Variants in ADGB observed in about 807,000 individuals in gnomAD.
The protein encoded by ADGB is calpain-7-like protein.
ADGB carries 172 observed loss-of-function variants against 210.5 expected under a neutral mutation model. The ratio of observed to expected loss-of-function variants is 0.82; its 90% CI spans 0.72 to 0.93. The LOEUF is 0.93. Among genes scored for constraint, ADGB ranks in the 40% least tolerant of loss-of-function variants. ADGB has a pLI of 0.00. For synonymous variants in ADGB, 658 were observed against 662.7 expected, an observed-to-expected ratio of 0.99 and a Z score of 0.11; for missense variants, 2,025 against 1,964.8, an observed-to-expected ratio of 1.03 and a Z score of -0.58.
At chr6:146,806,033 G>T (rs1319226760) in intron 35 of ADGB, among the ~76,000 whole-genome samples, 2 of 152,174 alleles carry the variant, frequency 1.3e-5, no homozygotes, top group African/African-American at 4.8e-5. Context: ...TTTGATTAAT[G>T]AATCAGTAAA....
intron 1 of ADGB, among the ~76,000 whole-genome samples, chr6:146,626,743 A>C (rs532219784): frequency 1.9e-4 from 28 of 150,772 alleles, no homozygotes; most frequent in African/African-American, 6.6e-4. Context: ...GTAACTTGGC[A>C]TGGTTTTTTT....
chr6:146,657,461 T>A (rs1167713706), intron 5 of ADGB, among the ~76,000 whole-genome samples: 4 of 152,184 alleles, frequency 2.6e-5, no homozygotes, highest in Non-Finnish European at 5.9e-5. Context: ...AGAGAAACTG[T>A]CCTGCATATG....
At chr6:146,656,129 G>A (rs948984144) in intron 4 of ADGB, among the ~76,000 whole-genome samples, 6 of 152,170 alleles carry the variant, frequency 3.9e-5, no homozygotes, top group African/African-American at 1.4e-4. Flanking sequence ...GCAGCAGAAG[G>A]CTGTGAAGAT....
chr6:146,718,627 G>A (rs73573701), intron 16 of ADGB, among the ~76,000 whole-genome samples: 11,201 of 152,228 alleles, frequency 0.074, 1,364 homozygotes, highest in African/African-American at 0.25. Context: ...CACATATTCC[G>A]GGAAACTAAA....
chr6:146,730,014 C>T (rs999502576), intron 20 of ADGB, among the ~76,000 whole-genome samples: 4 of 152,066 alleles, frequency 2.6e-5, no homozygotes, highest in Non-Finnish European at 5.9e-5. Flanking sequence ...GGTAGCATTG[C>T]CAGATTTAGC....
At chr6:146,741,516 G>A (rs1457134214) in intron 25 of ADGB, among the ~76,000 whole-genome samples, 1 of 152,090 alleles carries the variant, frequency 6.6e-6, no homozygotes, top group Admixed American at 6.6e-5. Flanking sequence ...CAAAAAGAAA[G>A]CATTAGAAAT....
chr6:146,781,717 A>G (rs759947365), intron 29 of ADGB, among the ~76,000 whole-genome samples: 3 of 152,208 alleles, frequency 2.0e-5, no homozygotes, highest in Non-Finnish European at 4.4e-5. Flanking sequence ...CAATTATGCA[A>G]TAAATGAAAC....
chr6:146,663,082 T>C (rs1775885902), intron 5 of ADGB, among the ~76,000 whole-genome samples: 1 of 143,514 alleles, frequency 7.0e-6, no homozygotes, highest in Non-Finnish European at 1.5e-5. Context: ...CATATATTTA[T>C]ATAATTATAT....
At chr6:146,748,155 A>G (rs1777268982) in intron 26 of ADGB, among the ~76,000 whole-genome samples, 1 of 152,086 alleles carries the variant, frequency 6.6e-6, no homozygotes, top group African/African-American at 2.4e-5. Flanking sequence ...ATCATAAAAG[A>G]CGTGGAATAT....
intron 1 of ADGB, among the ~76,000 whole-genome samples, chr6:146,613,907 T>C (rs970254589): frequency 5.3e-5 from 8 of 151,904 alleles, no homozygotes; most frequent in Non-Finnish European, 7.4e-5. Context: ...TTTAATAAAA[T>C]TATAGACTAA....
At chr6:146,658,919 A>G (rs1775819295) in intron 5 of ADGB, among the ~76,000 whole-genome samples, 1 of 152,176 alleles carries the variant, frequency 6.6e-6, no homozygotes, top group Admixed American at 6.5e-5. Flanking sequence ...CTGACATACC[A>G]GTTCCCTATG....
chr6:146,635,419 A>G lies in ADGB; in HGVS notation c.119A>G (p.Gln40Arg). The part of the protein sequence containing the change: ...GSNVQSGSTE[Q>R]KKGKFPLWPE... ...AATGTACAATCTGGTTCTACTGAAC[A>G]AAAGAAGGGGAAATTCCCACTCTGG... The change falls in exon 2 of 36, where the codon CAA becomes CGA. Residue 40 changes from glutamine to arginine, a missense_variant. Coordinates refer to ENST00000397944, the MANE Select transcript of ADGB (RefSeq NM_024694.4). The G allele has an allele frequency of 4.5e-6, 7 of 1,547,640 alleles. No homozygotes were observed. Among genetic ancestry groups the G allele is most frequent in the Non-Finnish European group, 4.4e-6 (5 of 1,144,820 alleles).
At chr6:146,758,638 C>T (rs1777443801) in intron 27 of ADGB, among the ~76,000 whole-genome samples, 1 of 151,992 alleles carries the variant, frequency 6.6e-6, no homozygotes, top group Non-Finnish European at 1.5e-5. Flanking sequence ...GAGCCAACAT[C>T]TATAATGGCT....
intron 11 of ADGB, among the ~76,000 whole-genome samples, chr6:146,692,184 G>C (rs9497607): frequency 6.6e-6 from 1 of 151,888 alleles, no homozygotes; most frequent in Non-Finnish European, 1.5e-5. Context: ...AGAAAATTTA[G>C]GTATTCCATG....
intron 35 of ADGB, among the ~76,000 whole-genome samples, chr6:146,813,484 TTATTGGTGTA>T (rs1182514690): frequency 6.6e-6 from 1 of 152,152 alleles, no homozygotes; most frequent in African/African-American, 2.4e-5. Context: ...GTATGTGTAT[TTATTGGTGTA>T]TGAAAATGTG....
chr6:146,685,742 G>A lies in ADGB; in HGVS notation c.1225G>A (p.Ala409Thr). 6.6e-7 allele frequency: 1 copy of A among 1,517,262 alleles called. No individual in the cohort carries two copies. Among genetic ancestry groups the A allele is most frequent in the Non-Finnish European group, 8.8e-7 (1 of 1,132,822 alleles). 94.0% of individuals were successfully genotyped at this position (1,517,262 alleles called of 1,614,324 possible). ...SVQSLSDCSSAIQTSHMVVYA... is the reference protein window; with the variant it reads ...SVQSLSDCSSTIQTSHMVVYA... Reference sequence around the variant, plus strand: ...GTATGTTTGTTTTACAGGTTCTTCTGCAATACAGACCTCTCATATGGTCGT... The same window carrying A: ...GTATGTTTGTTTTACAGGTTCTTCTACAATACAGACCTCTCATATGGTCGT... The change falls in exon 10 of 36, where the codon GCA (alanine) becomes ACA (threonine). Residue 409 changes from alanine to threonine, a missense_variant. By Grantham distance (58) the Ala-to-Thr change is moderately conservative. Coordinates refer to ENST00000397944, the MANE Select transcript of ADGB (RefSeq NM_024694.4).
chr6:146,803,150 C>A, intron 35 of ADGB: 1 of 1,487,698 alleles, frequency 6.7e-7, no homozygotes, highest in Non-Finnish European at 9.4e-7. Context: ...GATCTTCTAT[C>A]CTCAACAAAT....
chr6:146,691,411 A>AATATAT (rs71031004), intron 11 of ADGB, 121 bp downstream of exon 11: 1 of 98,244 alleles, frequency 1.0e-5, no homozygotes, highest in Non-Finnish European at 1.6e-5. Context: ...GCCTATGTTT[A>AATATAT]ATATATATAT....
At chr6:146,609,967 T>C (rs1252740591) in intron 1 of ADGB, among the ~76,000 whole-genome samples, 3 of 152,106 alleles carry the variant, frequency 2.0e-5, no homozygotes, top group Non-Finnish European at 4.4e-5. Context: ...CCTTGGAGAA[T>C]TTGGTGACTA....
Sources: gnomAD v4.1 joint callset for allele counts (sites outside exome capture counted in the v4.1 genomes callset) on GRCh38, gnomAD v4.1.1 for gene constraint, MANE v1.5 for transcripts, NCBI Gene and HGNC (gene_info 2026-07-23, HGNC 2026-07-21) for gene names.